The following KIAA0319 variants were observed in gnomAD, a reference collection of about 807,000 sequenced individuals.
The protein encoded by KIAA0319 is dyslexia-associated protein KIAA0319.
A neutral mutation model predicts 108.4 loss-of-function variants in KIAA0319; 83 were observed. The ratio of observed to expected loss-of-function variants is 0.77; its 90% CI spans 0.64 to 0.92. KIAA0319 has a LOEUF of 0.92. Ranked by LOEUF, KIAA0319 falls within the 40% of genes least tolerant of loss-of-function variation. The pLI is 0.00. For synonymous variants in KIAA0319, 484 were observed against 510.4 expected (o/e 0.95, Z 0.70); for missense variants, 1,195 against 1,322.4 (o/e 0.90, Z 1.49).
chr6:24,641,604 C>A (rs1776905342), intron 1 of KIAA0319, among the ~76,000 whole-genome samples: 1 of 151,334 alleles, frequency 6.6e-6, no homozygotes, highest in South Asian at 2.1e-4. Context: ...CTTTCCTATA[C>A]TACAATAAAT....
At chr6:24,541,869 G>A (rs149992483), downstream of KIAA0319, among the ~76,000 whole-genome samples, 436 of 152,272 alleles carry the variant, frequency 2.9e-3, 1 homozygote, top group Non-Finnish European at 4.6e-3. Context: ...GCTGGTCATG[G>A]TGGCCCATGC....
rs977477829 is a variant in KIAA0319, at chr6:24,596,388, T to A, written c.286A>T (p.Ile96Phe). 2 of 1,614,106 alleles carry A rather than the reference T, an allele frequency of 1.2e-6. No individual in the cohort carries two copies. The highest frequency in any genetic ancestry group is 8.5e-7 in the Non-Finnish European group (1 of 1,180,032). ...ENCEPKKMGP[I>F]RSYLTFVLRP... ...AGCACAAAAGTGAGATAAGACCTGATGGGGCCCATCTTCTTGGGCTCACAG... is the reference window on the plus strand; with the variant it reads ...AGCACAAAAGTGAGATAAGACCTGAAGGGGCCCATCTTCTTGGGCTCACAG... Residue 96 changes from isoleucine to phenylalanine, a missense_variant, in exon 3 of 21, where the codon ATC (isoleucine) becomes TTC (phenylalanine). Ile to Phe is a conservative substitution (Grantham distance 21). Transcript: ENST00000378214.
At chr6:24,568,955 T>G (rs1407724897) in intron 12 of KIAA0319, 26 bp from the exon 13 acceptor site, 1 of 1,609,612 alleles carries the variant, frequency 6.2e-7, no homozygotes, top group Non-Finnish European at 8.5e-7. Context: ...GTGGTTAACA[T>G]AAGGGAGGGG....
intron 8 of KIAA0319, among the ~76,000 whole-genome samples, chr6:24,579,439 TATCTC>T (rs1463843019): frequency 2.7e-4 from 36 of 132,410 alleles, no homozygotes; most frequent in African/African-American, 8.5e-4. Context: ...ATATCTTATA[TATCTC>T]ATATATATCT....
chr6:24,614,352 CCAGTTATCTATG>C (rs543468097), intron 1 of KIAA0319, among the ~76,000 whole-genome samples: 22 of 152,146 alleles, frequency 1.4e-4, no homozygotes, highest in Non-Finnish European at 2.9e-4. Context: ...AGCTCAAAAG[CCAGTTATCTATG>C]CAGCCTTCCT....
chr6:24,606,389 C>T (rs1400404848), intron 1 of KIAA0319, among the ~76,000 whole-genome samples: 1 of 152,160 alleles, frequency 6.6e-6, no homozygotes, highest in Non-Finnish European at 1.5e-5. Context: ...ACGGTGATGA[C>T]ATCACTGATT....
At chr6:24,550,654 C>T (rs540076000) in intron 20 of KIAA0319, among the ~76,000 whole-genome samples, 2 of 152,306 alleles carry the variant, frequency 1.3e-5, no homozygotes, top group Non-Finnish European at 2.9e-5. Flanking sequence ...AAATGTTAGG[C>T]TTTAAAGTCC....
chr6:24,601,036 A>G lies in KIAA0319; in HGVS notation c.55+13T>C, dbSNP rs557178450. The G allele has an allele frequency of 1.7e-4, 281 of 1,613,756 alleles. 2 individuals are homozygous for G. In the African/African-American group the frequency reaches 3.3e-3, roughly 19 times the overall value. The stretch of plus-strand genomic sequence containing the variant: ...AGTCCAACACGGGTATCTCCAGGGT[A>G]GTAGTTCCCTACCTGCAATTGTCAC... On this transcript the variant is annotated intron_variant, in intron 2 of 20. Transcript: ENST00000378214.
chr6:24,604,221 C>G (rs1325429781), intron 1 of KIAA0319, among the ~76,000 whole-genome samples: 1 of 152,210 alleles, frequency 6.6e-6, no homozygotes. Flanking sequence ...CCCTTTGCTT[C>G]CAGTGAGGAA....
At chr6:24,628,145 A>C (rs146327370) in intron 1 of KIAA0319, among the ~76,000 whole-genome samples, 33 of 152,328 alleles carry the variant, frequency 2.2e-4, no homozygotes, top group African/African-American at 7.5e-4. Context: ...TTAGCTTCCT[A>C]AATCACCATA....
At chr6:24,642,373 G>C (rs1777079234) in intron 1 of KIAA0319, among the ~76,000 whole-genome samples, 3 of 152,290 alleles carry the variant, frequency 2.0e-5, no homozygotes, top group South Asian at 4.1e-4. Context: ...TTACAAGACA[G>C]TGCAGCTACA....
In KIAA0319 at chr6:24,583,614, C is replaced by T. The variant is rs1179761542; in HGVS notation, c.1083G>A (p.Ala361=). 6 of 1,611,960 alleles carry T rather than the reference C, an allele frequency of 3.7e-6. No homozygotes were observed. The highest frequency in any genetic ancestry group is 4.2e-6 in the Non-Finnish European group (5 of 1,178,276). The change falls in exon 5 of 21, where the codon GCG becomes GCA. Residue 361 remains alanine (A), a synonymous_variant. Transcript: ENST00000378214. ...EVELKAFVAP[A]PPVETTYNYE... ...AGGTTAAACTCTCACCTACAGGTGG[C>T]GCTGGCGCAACAAAGGCCTTCAGTT... is the stretch of plus-strand genomic sequence containing the variant.
chr6:24,587,318 C>A (rs1427991300), intron 4 of KIAA0319, among the ~76,000 whole-genome samples: 1 of 151,984 alleles, frequency 6.6e-6, no homozygotes. Context: ...ACTCTGTCGC[C>A]CAGGCTGGAC....
Position 24,578,153 on chromosome 6 carries a change from CG to C in KIAA0319, c.1461del (p.Val488SerfsTer16), listed in dbSNP as rs777356655. ...FIEEKTSVDS[P>X]VLRLSNLDPG... is the part of the protein sequence containing the mutation. ...GGATCAAGGTTAGACAAGCGTAAGACGGGAGAGTCAACTGAAGTCTTCTCTT... is the reference window on the plus strand; with the variant it reads ...GGATCAAGGTTAGACAAGCGTAAGACGGAGAGTCAACTGAAGTCTTCTCTT... On this transcript the variant is annotated frameshift_variant, in exon 9 of 21. Coordinates refer to ENST00000378214, the MANE Select transcript of KIAA0319 (RefSeq NM_014809.4). LOFTEE classifies it high-confidence loss of function. 2.0e-5 allele frequency: 33 copies of C among 1,613,252 alleles called. No individual in the cohort carries two copies. The highest frequency in any genetic ancestry group is 2.8e-5 in the Non-Finnish European group (33 of 1,179,652).
intron 1 of KIAA0319, among the ~76,000 whole-genome samples, chr6:24,639,017 A>T (rs1776575482): frequency 2.0e-5 from 3 of 152,218 alleles, no homozygotes; most frequent in Admixed American, 1.3e-4. Context: ...AATGTACACA[A>T]ATATCAAAAC....
intron 1 of KIAA0319, among the ~76,000 whole-genome samples, chr6:24,628,245 T>G (rs1284741596): frequency 6.6e-6 from 1 of 152,258 alleles, no homozygotes; most frequent in Non-Finnish European, 1.5e-5. Context: ...GTTAGAAATG[T>G]CAGGTATTGT....
chr6:24,568,972 G>C, intron 12 of KIAA0319, 43 bp from the exon 13 acceptor site: 1 of 1,594,168 alleles, frequency 6.3e-7, no homozygotes, highest in Non-Finnish European at 8.6e-7. Context: ...GGGGGCATGG[G>C]GTTTTGAATA....
At chr6:24,562,798 C>T (rs1763283299) in intron 16 of KIAA0319, among the ~76,000 whole-genome samples, 1 of 151,990 alleles carries the variant, frequency 6.6e-6, no homozygotes, top group Admixed American at 6.6e-5. Context: ...GAGACCATGC[C>T]ACTGCACTTT....
intron 1 of KIAA0319, among the ~76,000 whole-genome samples, chr6:24,640,801 T>C (rs1027680465): frequency 1.3e-5 from 2 of 151,864 alleles, no homozygotes; most frequent in African/African-American, 4.8e-5. Flanking sequence ...GACAGGCACA[T>C]ACCACCAAGC....
Sources: allele counts gnomAD v4.1 joint callset (sites outside exome capture counted in the v4.1 genomes callset), GRCh38; gene constraint gnomAD v4.1.1; transcripts MANE v1.5; gene names NCBI Gene and HGNC (gene_info 2026-07-23, HGNC 2026-07-21).